MICAL3: variants seen among roughly 807,000 people sequenced by gnomAD.
MICAL3 encodes the protein [F-actin]-monooxygenase MICAL3.
In MICAL3, 62 loss-of-function variants were observed where a neutral mutation model predicts 207.4. That is an observed-to-expected ratio of 0.30 (90% CI 0.24 to 0.37). MICAL3 has a LOEUF of 0.37. Among genes scored for constraint, MICAL3 ranks in the 10% least tolerant of loss-of-function variants. The pLI is 1.00. For missense variants in MICAL3, 2,368 were observed against 2,635.6 expected, an observed-to-expected ratio of 0.90 and a Z score of 2.22; for synonymous variants, 1,077 against 1,069.3, an observed-to-expected ratio of 1.01 and a Z score of -0.14.
At chr22:17,880,717 G>C (rs1929336249) in intron 16 of MICAL3, among the ~76,000 whole-genome samples, 1 of 152,224 alleles carries the variant, frequency 6.6e-6, no homozygotes, top group African/African-American at 2.4e-5. Context: ...TGCCTGGCGT[G>C]CAAGTGCAGT....
chr22:17,832,537 GCAAA>G lies in MICAL3; in HGVS notation c.2802-434_2802-431del, dbSNP rs1922913890. ...CCCATCCCTCAGGGTGCTTCAAGCA[GCAAA>G]CACTGAGATCGCTGGTTTACGTTTC... On this transcript the variant is annotated intron_variant, in intron 20 of 31. Coordinates refer to ENST00000441493, the MANE Select transcript of MICAL3 (RefSeq NM_015241.3). Among the ~76,000 whole-genome samples the G allele has an allele frequency of 2.0e-5, 3 of 152,202 alleles. No homozygotes were observed. In the South Asian group the frequency reaches 6.2e-4, roughly 31 times the overall value.
chr22:17,849,275 T>C (rs987900132), intron 19 of MICAL3, among the ~76,000 whole-genome samples: 3 of 152,198 alleles, frequency 2.0e-5, no homozygotes, highest in African/African-American at 7.2e-5. Flanking sequence ...GTCCAAAGAC[T>C]CACATGAGCC....
chr22:17,797,842 C>T (rs1220720872), intron 29 of MICAL3, among the ~76,000 whole-genome samples: 1 of 152,260 alleles, frequency 6.6e-6, no homozygotes, highest in African/African-American at 2.4e-5. Flanking sequence ...GGCACAGCCA[C>T]AGCGGGCAGG....
chr22:17,867,722 G>A (rs1927294681), intron 17 of MICAL3, among the ~76,000 whole-genome samples: 1 of 152,212 alleles, frequency 6.6e-6, no homozygotes, highest in African/African-American at 2.4e-5. Context: ...GGTGAGGGAA[G>A]GGGCAGCCCT....
intron 1 of MICAL3, among the ~76,000 whole-genome samples, chr22:17,954,441 C>T (rs1454766139): frequency 1.3e-5 from 2 of 152,160 alleles, no homozygotes; most frequent in Admixed American, 6.5e-5. Context: ...TTGCTGAAGA[C>T]GGGCCAGGGT....
rs534279770 is a variant in MICAL3, at chr22:17,903,135, C to A, written c.473-388G>T. On this transcript the variant is annotated intron_variant, in intron 3 of 31. Transcript: ENST00000441493. ...ATGTGCACCCACAGGGTGCAGCCCA[C>A]GGTCAGATGCAGAGCTGCTGCATGA... Among the ~76,000 whole-genome samples the A allele has an allele frequency of 2.0e-5, 3 of 152,358 alleles. No homozygotes were observed. The East Asian group carries it at 5.8e-4, about 29-fold the overall frequency.
At chr22:17,964,432 ATG>A (rs2146393111) in intron 1 of MICAL3, among the ~76,000 whole-genome samples, 1 of 152,320 alleles carries the variant, frequency 6.6e-6, no homozygotes, top group African/African-American at 2.4e-5. Context: ...CCTGACTCTT[ATG>A]TGATGATCTG....
chr22:17,949,290 C>T (rs1307571369), intron 1 of MICAL3, among the ~76,000 whole-genome samples: 1 of 152,198 alleles, frequency 6.6e-6, no homozygotes, highest in Admixed American at 6.5e-5. Context: ...TTAGCTCTGG[C>T]TAAGTACATA....
At chr22:17,893,973 C>G in intron 10 of MICAL3, 69 bp from the exon 11 acceptor site, 2 of 1,170,894 alleles carry the variant, frequency 1.7e-6, no homozygotes, top group East Asian at 5.1e-5. Flanking sequence ...TACCTAAGAG[C>G]AGAATGGCTG....
At chr22:17,949,554 C>T (rs1212244053) in intron 1 of MICAL3, among the ~76,000 whole-genome samples, 1 of 152,182 alleles carries the variant, frequency 6.6e-6, no homozygotes, top group African/African-American at 2.4e-5. Flanking sequence ...ATTAACTATG[C>T]CCTCTCTTAC....
At chr22:17,993,205 T>C (rs1241158415) in intron 1 of MICAL3, among the ~76,000 whole-genome samples, 1 of 152,116 alleles carries the variant, frequency 6.6e-6, no homozygotes, top group East Asian at 1.9e-4. Context: ...TTCTGTTCCA[T>C]AAGTTCATGT....
intron 16 of MICAL3, among the ~76,000 whole-genome samples, chr22:17,877,486 TGGAGGTTAG>T (rs1189255665): frequency 4.8e-5 from 4 of 83,256 alleles, no homozygotes; most frequent in Non-Finnish European, 7.4e-5. Flanking sequence ...AGGGAGGTTA[TGGAGGTTAG>T]GGAGGTTATG....
intron 29 of MICAL3, among the ~76,000 whole-genome samples, chr22:17,805,059 G>A (rs1404204323): frequency 6.6e-6 from 1 of 152,232 alleles, no homozygotes; most frequent in African/African-American, 2.4e-5. Context: ...CTCTGGAAAG[G>A]CAGCTTGGCT....
In MICAL3 at chr22:17,991,802, C is replaced by T. The variant is rs546033945; in HGVS notation, c.-75+32479G>A. ...TCCTATTAGGCCTTTTCCCACAACACGTCAGCTTCCAAATACAGCACATGA... is the reference window on the plus strand; with the variant it reads ...TCCTATTAGGCCTTTTCCCACAACATGTCAGCTTCCAAATACAGCACATGA... On this transcript the variant is annotated intron_variant, in intron 1 of 31. Transcript: ENST00000441493. 5.3e-5 allele frequency among the ~76,000 whole-genome samples: 8 copies of T among 152,284 alleles called. No homozygotes were observed. The South Asian group carries it at 1.2e-3, about 24-fold the overall frequency.
At chr22:17,983,491 G>A (rs1014041937) in intron 1 of MICAL3, 6 of 145,112 alleles carry the variant, frequency 4.1e-5, no homozygotes, top group African/African-American at 1.6e-4. Context: ...CCTCATGACA[G>A]AACCCTGTGC....
chr22:17,904,622 T>C lies in MICAL3; in HGVS notation c.472+10A>G, dbSNP rs939736619. The C allele has an allele frequency of 8.1e-6, 13 of 1,607,996 alleles. No homozygotes were observed. The highest frequency in any genetic ancestry group is 1.9e-4 in the Middle Eastern group (1 of 5,294). On this transcript the variant is annotated intron_variant, in intron 3 of 31. Transcript: ENST00000441493. Reference sequence around the variant, plus strand: ...GGGTGGAATCTTACAGGAAAGCTAGTTTTACTTACTGATATGGTCGATGGC... The same window carrying C: ...GGGTGGAATCTTACAGGAAAGCTAGCTTTACTTACTGATATGGTCGATGGC...
At chr22:17,871,393 A>C (rs1167286357) in intron 17 of MICAL3, among the ~76,000 whole-genome samples, 2 of 152,220 alleles carry the variant, frequency 1.3e-5, no homozygotes, top group Non-Finnish European at 2.9e-5. Flanking sequence ...CCTTGCAGAC[A>C]TCTCCAAGAG....
intron 16 of MICAL3, among the ~76,000 whole-genome samples, chr22:17,873,471 G>A (rs1292607542): frequency 2.6e-5 from 4 of 152,214 alleles, no homozygotes; most frequent in Admixed American, 1.3e-4. Flanking sequence ...CTTTCTCCCT[G>A]CTGATGTTAT....
chr22:17,838,875 A>G (rs1923683160), intron 20 of MICAL3, among the ~76,000 whole-genome samples: 2 of 152,100 alleles, frequency 1.3e-5, no homozygotes, highest in African/African-American at 2.4e-5. Flanking sequence ...AGACAGAGAA[A>G]AACACCACGC....
Sources: allele counts gnomAD v4.1 joint callset (sites outside exome capture counted in the v4.1 genomes callset), GRCh38; gene constraint gnomAD v4.1.1; transcripts MANE v1.5; gene names NCBI Gene and HGNC (gene_info 2026-07-23, HGNC 2026-07-21).